The following IKBKB variants were observed in gnomAD, a reference collection of about 807,000 sequenced individuals.
IKBKB encodes inhibitor of nuclear factor kappa B kinase subunit beta.
Under a neutral mutation model 113.6 loss-of-function variants are expected in IKBKB, and 42 were observed. That is an observed-to-expected ratio of 0.37 (90% confidence interval 0.29 to 0.48). The LOEUF (loss-of-function observed/expected upper bound fraction) is 0.48, where lower values mean the gene tolerates loss of function less well. Ranked by LOEUF, IKBKB falls within the 20% of genes least tolerant of loss-of-function variation. The probability of loss-of-function intolerance (pLI) is 0.99; values close to 1 mark genes in which losing one functional copy is unlikely to be tolerated. For synonymous variants in IKBKB, 296 were observed against 361.3 expected, an observed-to-expected ratio of 0.82 and a Z score of 2.05; for missense variants, 673 against 939.7, an observed-to-expected ratio of 0.72 and a Z score of 3.71.
Position 42,316,370 on chromosome 8 carries a change from A to G in IKBKB, c.930+31A>G. 1.2e-6 allele frequency: 2 copies of G among 1,613,472 alleles called. No homozygotes were observed. The highest frequency in any genetic ancestry group is 2.2e-5 in the East Asian group (1 of 44,866). On this transcript the variant is annotated intron_variant, in intron 10 of 21. Coordinates refer to ENST00000520810, the MANE Select transcript of IKBKB (RefSeq NM_001556.3). The surrounding 1 kb of genome is among the most constrained non-coding windows in gnomAD (Gnocchi z 4.5). ...TGTGGAGCCAAGTTAGCCCTGAGGC[A>G]AAAGCTGGGGTCCCCAGTGGAACAT... is the stretch of plus-strand genomic sequence containing the variant.
At chr8:42,325,035 A>C in intron 19 of IKBKB, 13 of 154,128 alleles carry the variant, frequency 8.4e-5, no homozygotes, top group Non-Finnish European at 1.9e-4. Flanking sequence ...GGCCTGAGGG[A>C]CACGTGAGGG....
chr8:42,290,997 A>C (rs779962565), intron 4 of IKBKB, among the ~76,000 whole-genome samples: 15 of 152,112 alleles, frequency 9.9e-5, no homozygotes, highest in African/African-American at 2.4e-4. Context: ...AAAAGCTCAC[A>C]CATGGGTGCA....
At chr8:42,310,257 C>T (rs1402814192) in intron 8 of IKBKB, among the ~76,000 whole-genome samples, 1 of 151,898 alleles carries the variant, frequency 6.6e-6, no homozygotes, top group Admixed American at 6.6e-5. Context: ...TTTTTGGAAC[C>T]GTAATAAGTT....
At chr8:42,325,673 CAATCAT>C (rs1477360369) in intron 19 of IKBKB, 82 of 1,136,738 alleles carry the variant, frequency 7.2e-5, no homozygotes, top group Non-Finnish European at 8.8e-5. Flanking sequence ...GCAAGACTCT[CAATCAT>C]AATCAATCAG....
intron 2 of IKBKB, among the ~76,000 whole-genome samples, chr8:42,285,937 G>A (rs1455694828): frequency 6.6e-6 from 1 of 152,236 alleles, no homozygotes. Context: ...AGTGGCTGCT[G>A]ATGGGTGTGG....
chr8:42,277,304 TC>T (rs1809380440), intron 2 of IKBKB, among the ~76,000 whole-genome samples: 1 of 151,792 alleles, frequency 6.6e-6, no homozygotes, highest in African/African-American at 2.4e-5. Context: ...TGTCTCAGCT[TC>T]CCAAGTAGCT....
intron 8 of IKBKB, among the ~76,000 whole-genome samples, chr8:42,313,123 C>T (rs999737969): frequency 4.6e-5 from 7 of 152,162 alleles, no homozygotes; most frequent in African/African-American, 1.7e-4. Flanking sequence ...ATTTACTCTT[C>T]TTATTACCAA....
At chr8:42,319,679 C>T in intron 15 of IKBKB, 33 bp downstream of exon 15, 1 of 1,534,970 alleles carries the variant, frequency 6.5e-7, no homozygotes, top group Non-Finnish European at 8.8e-7. Flanking sequence ...CGGAACTTAC[C>T]AAGGGGGTGA....
chr8:42,279,034 T>C (rs1809787160), intron 2 of IKBKB, among the ~76,000 whole-genome samples: 1 of 150,966 alleles, frequency 6.6e-6, no homozygotes, highest in Admixed American at 6.6e-5. Context: ...AGGGGTGGAA[T>C]TAACAGCGCT....
At chr8:42,308,486 C>T (rs1318578608) in intron 7 of IKBKB, among the ~76,000 whole-genome samples, 8 of 151,854 alleles carry the variant, frequency 5.3e-5, no homozygotes, top group African/African-American at 1.7e-4. Flanking sequence ...TTAGTAGAGA[C>T]GGGGTTTCAC....
At chr8:42,283,113 C>T (rs559279998) in intron 2 of IKBKB, among the ~76,000 whole-genome samples, 22 of 152,326 alleles carry the variant, frequency 1.4e-4, no homozygotes, top group Admixed American at 1.4e-3. Flanking sequence ...TCAGAATCTC[C>T]TCCTGATTCT....
At chr8:42,307,720 A>G (rs570292155) in intron 7 of IKBKB, among the ~76,000 whole-genome samples, 1 of 152,274 alleles carries the variant, frequency 6.6e-6, no homozygotes, top group East Asian at 1.9e-4. Context: ...TCCTCAGCTC[A>G]GCAGCAGTCG....
At position 42,319,635 on chromosome 8, in the gene IKBKB, C is replaced by T; in HGVS notation, c.1567C>T (p.Leu523Phe). The change falls in exon 15 of 22, where the codon CTC (leucine) becomes TTC (phenylalanine). Residue 523 changes from leucine to phenylalanine, a missense_variant. Around this residue, in one of 2 missense-constraint regions of IKBKB, gnomAD observed 506 missense variants for 638.7 expected, o/e 0.79. Transcript: ENST00000520810. ...AWREMEQAVELCGRENEVKLL... is the reference protein window; with the variant it reads ...AWREMEQAVEFCGRENEVKLL... Reference sequence around the variant, plus strand: ...GAGGGAAATGGAGCAGGCTGTGGAGCTCTGTGGGCGGGTAGGAGACTCATT... The same window carrying T: ...GAGGGAAATGGAGCAGGCTGTGGAGTTCTGTGGGCGGGTAGGAGACTCATT... 6.3e-7 allele frequency: 1 copy of T among 1,590,954 alleles called. No homozygotes were observed. The highest frequency in any genetic ancestry group is 8.5e-7 in the Non-Finnish European group (1 of 1,172,698).
chr8:42,325,849 G>A, intron 19 of IKBKB, 121 bp from the exon 20 acceptor site: 1 of 1,530,804 alleles, frequency 6.5e-7, no homozygotes, highest in Admixed American at 1.9e-5. Context: ...CAACTGGTAG[G>A]CTGTAGGGTT....
In IKBKB at chr8:42,331,615, G is replaced by A; in HGVS notation, c.*636G>A. 1 of 581,036 alleles carries A rather than the reference G, an allele frequency of 1.7e-6. No individual in the cohort carries two copies. Among genetic ancestry groups the A allele is most frequent in the South Asian group, 2.0e-5 (1 of 48,980 alleles). 36.0% of individuals were successfully genotyped at this position (581,036 alleles called of 1,614,324 possible). The stretch of plus-strand genomic sequence containing the variant: ...AAATTGTGTTTTTACCTACTACTTT[G>A]GTGGTTGTCCTCTTTTCGGCAAAGT... On this transcript the variant is annotated 3_prime_UTR_variant, in exon 22 of 22. Coordinates refer to ENST00000520810, the MANE Select transcript of IKBKB (RefSeq NM_001556.3).
At chr8:42,320,592 C>T (rs768126980) in intron 15 of IKBKB, 143 bp from the exon 16 acceptor site, 4 of 653,766 alleles carry the variant, frequency 6.1e-6, no homozygotes, top group Non-Finnish European at 8.0e-6. Context: ...GCCATTCAGA[C>T]CCCACAGTCC....
chr8:42,271,414 GCCCCGCCTT>G lies in IKBKB; in HGVS notation c.-66_-58del. On this transcript the variant is annotated 5_prime_UTR_variant, in exon 1 of 22. Coordinates refer to ENST00000520810, the MANE Select transcript of IKBKB (RefSeq NM_001556.3). ...CATAGCCCCGGGTTTGGCCGCCCCAGCCCCGCCTTCCCCGCCCCGGGGAGCCCGCCCCCT... is the reference window on the plus strand; with the variant it reads ...CATAGCCCCGGGTTTGGCCGCCCCAGCCCCGCCCCGGGGAGCCCGCCCCCT... 1 of 1,506,042 alleles carries G rather than the reference GCCCCGCCTT, an allele frequency of 6.6e-7. No homozygotes were observed. Among genetic ancestry groups the G allele is most frequent in the Non-Finnish European group, 8.9e-7 (1 of 1,123,808 alleles). 93.3% of individuals were successfully genotyped at this position (1,506,042 alleles called of 1,614,324 possible).
chr8:42,329,578 A>G (rs569978066), intron 21 of IKBKB: 4 of 934,676 alleles, frequency 4.3e-6, no homozygotes, highest in South Asian at 9.9e-5. Flanking sequence ...AAGGCTTACA[A>G]CTACATGTAT....
At position 42,306,345 on chromosome 8, in the gene IKBKB, A is replaced by C. The variant is rs17875704; in HGVS notation, c.480A>C (p.Leu160Phe). The C allele has an allele frequency of 6.9e-6, 11 of 1,596,946 alleles. No individual in the cohort carries two copies. In the East Asian group the frequency reaches 2.5e-4, roughly 36 times the overall value. Residue 160 changes from leucine to phenylalanine, a missense_variant and splice_region_variant, in exon 7 of 22, where the codon TTA (leucine) becomes TTC (phenylalanine). Coordinates refer to ENST00000520810, the MANE Select transcript of IKBKB (RefSeq NM_001556.3). ...NIVLQQGEQR[L>F]IHKIIDLGYA... ...CTTTCTCCTTCCTTTTGTTTTAGTT[A>C]ATACACAAAATTATTGACCTAGGAT...
Sources: allele counts gnomAD v4.1 joint callset (sites outside exome capture counted in the v4.1 genomes callset), GRCh38; gene constraint gnomAD v4.1.1; regional missense constraint gnomAD v4.1.1; non-coding constraint Gnocchi (gnomAD v3.1); transcripts MANE v1.5; gene names NCBI Gene and HGNC (gene_info 2026-07-23, HGNC 2026-07-21).